The following RNLS variants were observed in gnomAD, a reference collection of about 807,000 sequenced individuals.
RNLS encodes renalase.
In RNLS, 39 loss-of-function variants were observed where a neutral mutation model predicts 39.8. That is an observed-to-expected ratio of 0.98 (90% confidence interval 0.76 to 1.28). The LOEUF is 1.28. RNLS is among the 50% of genes most tolerant of loss of function. RNLS has a pLI of 0.00. For synonymous variants in RNLS, 147 were observed against 150.7 expected (o/e 0.98, Z 0.18); for missense variants, 410 against 413.3 (o/e 0.99, Z 0.07).
chr10:88,346,805 G>A (rs1281702522), intron 5 of RNLS, among the ~76,000 whole-genome samples: 1 of 152,208 alleles, frequency 6.6e-6, no homozygotes, highest in Non-Finnish European at 1.5e-5. Context: ...ATCAACAGAT[G>A]TGTCACATGT....
intron 4 of RNLS, among the ~76,000 whole-genome samples, chr10:88,465,116 T>C (rs1589839151): frequency 3.9e-5 from 6 of 152,146 alleles, no homozygotes; most frequent in Admixed American, 3.9e-4. Flanking sequence ...TGCCTCCTAA[T>C]TGAATACTCA....
intron 5 of RNLS, among the ~76,000 whole-genome samples, chr10:88,354,935 ACTTCT>A (rs1441725905): frequency 5.9e-5 from 9 of 151,782 alleles, no homozygotes; most frequent in Non-Finnish European, 2.9e-5. Flanking sequence ...TTTTCTCTAA[ACTTCT>A]CTTCTCGCTT....
In RNLS at chr10:88,416,980, T is replaced by C. The variant is rs138756776; in HGVS notation, c.527-54255A>G. On this transcript the variant is annotated intron_variant, in intron 4 of 6. Transcript: ENST00000331772. ...TTGTTTATAAACCAGATTCTTGTCCTATGTCTCTCTATGAGAATTTCCGCA... is the reference window on the plus strand; with the variant it reads ...TTGTTTATAAACCAGATTCTTGTCCCATGTCTCTCTATGAGAATTTCCGCA... 5.9e-5 allele frequency among the ~76,000 whole-genome samples: 9 copies of C among 152,362 alleles called. No homozygotes were observed. The East Asian group carries it at 1.7e-3, about 29-fold the overall frequency.
At chr10:88,270,271 C>A (rs1266499940), downstream of RNLS, among the ~76,000 whole-genome samples, 6 of 152,164 alleles carry the variant, frequency 3.9e-5, no homozygotes, top group Admixed American at 3.9e-4. Context: ...ACTCCTAGTG[C>A]GGTCAAGTGC....
chr10:88,416,218 A>C (rs1220707867), intron 4 of RNLS, among the ~76,000 whole-genome samples: 1 of 148,900 alleles, frequency 6.7e-6, no homozygotes, highest in Non-Finnish European at 1.5e-5. Context: ...AATATATCTG[A>C]ATTATATATA....
chr10:88,497,359 A>C (rs1845227979), intron 4 of RNLS, among the ~76,000 whole-genome samples: 1 of 152,102 alleles, frequency 6.6e-6, no homozygotes, highest in Non-Finnish European at 1.5e-5. Context: ...GCTTCAGATT[A>C]CAGTAGCCCT....
chr10:88,366,663 GAAAAAAAAAAAA>G (rs774157650), intron 4 of RNLS, among the ~76,000 whole-genome samples: 4 of 25,840 alleles, frequency 1.5e-4, no homozygotes, highest in Middle Eastern at 0.045. Context: ...TAAGTTTTCT[GAAAAAAAAAAAA>G]AAAAAAAAAA....
At chr10:88,323,503 A>G (rs1490834534) in intron 5 of RNLS, among the ~76,000 whole-genome samples, 2 of 152,308 alleles carry the variant, frequency 1.3e-5, no homozygotes, top group South Asian at 4.1e-4. Flanking sequence ...ACAATGAAGA[A>G]AGTACACCCT....
chr10:88,459,276 G>A (rs533213550), intron 4 of RNLS, among the ~76,000 whole-genome samples: 5 of 151,844 alleles, frequency 3.3e-5, no homozygotes, highest in South Asian at 2.1e-4. Context: ...ATAGCTTCTC[G>A]ACTTTACAAG....
intron 4 of RNLS, among the ~76,000 whole-genome samples, chr10:88,536,711 T>A (rs1428626104): frequency 1.3e-5 from 2 of 152,056 alleles, no homozygotes; most frequent in Admixed American, 6.6e-5. Flanking sequence ...CTTCCCCCCA[T>A]GCAACATGGC....
intron 4 of RNLS, among the ~76,000 whole-genome samples, chr10:88,514,247 G>A (rs1246763635): frequency 2.6e-5 from 4 of 151,894 alleles, no homozygotes; most frequent in South Asian, 2.1e-4. Context: ...GAGAGAGAAA[G>A]AGAAGGGCAA....
chr10:88,217,260 A>T, the RNLS span, among the ~76,000 whole-genome samples: 7 of 152,204 alleles, frequency 4.6e-5, no homozygotes, highest in Non-Finnish European at 1.0e-4. Context: ...TCGTCAAACG[A>T]AACAGGACAG....
chr10:88,446,913 A>T (rs1247440131), intron 4 of RNLS, among the ~76,000 whole-genome samples: 1 of 152,236 alleles, frequency 6.6e-6, no homozygotes, highest in Non-Finnish European at 1.5e-5. Flanking sequence ...CACAAAAACC[A>T]CATGATTATC....
the RNLS span, among the ~76,000 whole-genome samples, chr10:88,192,746 G>A: frequency 1.3e-5 from 2 of 152,282 alleles, no homozygotes; most frequent in African/African-American, 4.8e-5. Flanking sequence ...CTCAGGGACT[G>A]CTTATCCAGA....
the RNLS span, among the ~76,000 whole-genome samples, chr10:88,195,421 AC>A: frequency 3.4e-4 from 51 of 151,558 alleles, 1 homozygote; most frequent in Non-Finnish European, 6.3e-4. Context: ...ATAATTTCAC[AC>A]CCCCCTCCTT....
At chr10:88,290,323 C>A (rs1411629093) in intron 6 of RNLS, among the ~76,000 whole-genome samples, 1 of 152,002 alleles carries the variant, frequency 6.6e-6, no homozygotes, top group African/African-American at 2.4e-5. Context: ...CTTAAACAAA[C>A]CTTTCTGAAA....
At position 88,362,617 on chromosome 10, in the gene RNLS, C is replaced by T; in HGVS notation, c.635G>A (p.Gly212Glu). Reference protein sequence around the residue: ...AGTKIDVPWAGQYITSNPCIR... With the variant: ...AGTKIDVPWAEQYITSNPCIR... ...GCAGGGATTACTGGTGATGTACTGC[C>T]CAGCCCAAGGGACATCAATCTTCGT... The change falls in exon 5 of 7, where the codon GGG (glycine) becomes GAG (glutamate). Residue 212 changes from glycine to glutamate, a missense_variant. By Grantham distance (98) the Gly-to-Glu change is moderately conservative (BLOSUM62 -2). Transcript: ENST00000331772. 6.2e-7 allele frequency: 1 copy of T among 1,613,878 alleles called. No homozygotes were observed. The highest frequency in any genetic ancestry group is 1.7e-5 in the Admixed American group (1 of 59,934).
chr10:88,466,740 T>C (rs1326416418), intron 4 of RNLS, among the ~76,000 whole-genome samples: 2 of 152,086 alleles, frequency 1.3e-5, no homozygotes, highest in Non-Finnish European at 2.9e-5. Context: ...CTCCAAACAT[T>C]TGGTAATTTA....
chr10:88,228,643 G>C, the RNLS span, among the ~76,000 whole-genome samples: 1 of 152,092 alleles, frequency 6.6e-6, no homozygotes, highest in African/African-American at 2.4e-5. Flanking sequence ...CTCAAATCTG[G>C]TTTTTGCCAC....
Sources: allele counts gnomAD v4.1 joint callset (sites outside exome capture counted in the v4.1 genomes callset), GRCh38; gene constraint gnomAD v4.1.1; transcripts MANE v1.5; gene names NCBI Gene and HGNC (gene_info 2026-07-23, HGNC 2026-07-21).